The following LGI1 variants were observed in gnomAD, a reference collection of about 807,000 sequenced individuals.
LGI1 encodes leucine-rich glioma-inactivated protein 1.
Under a neutral mutation model 57.7 loss-of-function variants are expected in LGI1, and 11 were observed. That is an observed-to-expected ratio of 0.19 (90% CI 0.12 to 0.32). The LOEUF (loss-of-function observed/expected upper bound fraction) is 0.32, where lower values mean the gene tolerates loss of function less well. Ranked by LOEUF, LGI1 falls within the 10% of genes least tolerant of loss-of-function variation. The pLI is 1.00. For synonymous variants in LGI1, 222 were observed against 241.9 expected (o/e 0.92, Z 0.76); for missense variants, 422 against 661.9 (o/e 0.64, Z 3.98).
chr10:93,796,905 G>C, intron 7 of LGI1, 63 bp from the exon 8 acceptor site: 5 of 1,322,108 alleles, frequency 3.8e-6, no homozygotes, highest in Non-Finnish European at 5.4e-6. Context: ...GCCCCAGCCC[G>C]CATGTTTACA....
chr10:93,772,463 C>T (rs1023544268), intron 2 of LGI1, among the ~76,000 whole-genome samples: 2 of 151,698 alleles, frequency 1.3e-5, no homozygotes, highest in African/African-American at 2.4e-5. Context: ...ACATTGGAAT[C>T]GATAATTTAA....
chr10:93,770,413 T>C lies in LGI1; in HGVS notation c.288-6966T>C, dbSNP rs1044788279. ...TGCCCAGTCCTTTCGCTCTTATGCA[T>C]TCCCGTCTCTGGCCTCTCACCCGGT... On this transcript the variant is annotated intron_variant, in intron 2 of 7. Transcript: ENST00000371418. The C allele has an allele frequency of 5.3e-5, 8 of 152,352 alleles. 1 individual carries two copies. Among genetic ancestry groups the C allele is most frequent in the Non-Finnish European group, 1.5e-5 (1 of 68,174 alleles). 9.4% of individuals were successfully genotyped at this position (152,352 alleles called of 1,614,324 possible).
chr10:93,795,597 T>C (rs2059973686), intron 7 of LGI1, among the ~76,000 whole-genome samples: 1 of 152,126 alleles, frequency 6.6e-6, no homozygotes, highest in South Asian at 2.1e-4. Context: ...ATGACAAATA[T>C]ATGCCCCATA....
intron 4 of LGI1, among the ~76,000 whole-genome samples, chr10:93,785,720 A>ACCACCACATGGCACACAAAAG (rs1461436310): frequency 4.1e-5 from 2 of 48,764 alleles, no homozygotes; most frequent in African/African-American, 5.8e-5. Context: ...AATTTTATCC[A>ACCACCACATGGCACACAAAAG]GGTATTTTGC....
rs543647504 is a variant in LGI1 at position 93,797,727 on chromosome 10, G to A, written c.1598G>A (p.Arg533His). Residue 533 changes from arginine to histidine, a missense_variant, in exon 8 of 8, where the codon CGT becomes CAT. Arg to His is a conservative substitution (Grantham distance 29). Transcript: ENST00000371418. This position sits in a 1 kb window ranked among gnomAD's most constrained non-coding sequence, Gnocchi z 6.5. ...RSFTHVSINK[R>H]NFLFASSFKG... ...TTCACACATGTGTCCATTAATAAGC[G>A]TAATTTTCTTTTTGCTTCCAGTTTT... 2.6e-5 allele frequency: 42 copies of A among 1,612,194 alleles called. No individual in the cohort carries two copies. Among genetic ancestry groups the A allele is most frequent in the South Asian group, 1.9e-4 (17 of 91,084 alleles).
intron 7 of LGI1, among the ~76,000 whole-genome samples, chr10:93,795,475 G>A (rs1423256364): frequency 3.3e-5 from 5 of 152,118 alleles, no homozygotes; most frequent in Non-Finnish European, 5.9e-5. Context: ...CATGAGTGTG[G>A]AGTCCTCATG....
At chr10:93,787,906 CA>C (rs61222250) in intron 4 of LGI1, among the ~76,000 whole-genome samples, 89,074 of 115,782 alleles carry the variant, frequency 0.77, 35,950 homozygotes, top group East Asian at 0.92. Context: ...GACCCTGTCT[CA>C]AAAAAAAAAA....
Position 93,786,117 on chromosome 10 carries a change from C to T in LGI1, c.432-3982C>T, listed in dbSNP as rs2059891829. 4.3e-5 allele frequency among the ~76,000 whole-genome samples: 2 copies of T among 46,472 alleles called. 1 individual carries two copies. Among genetic ancestry groups the T allele is most frequent in the Admixed American group, 7.3e-4 (2 of 2,740 alleles). The allele number at this position is 46,472 out of a possible 152,430, so 30.5% of individuals were successfully genotyped here. A position where few individuals can be genotyped will look rare whatever the true frequency, so the allele number is the denominator to read the frequency against. On this transcript the variant is annotated intron_variant, in intron 4 of 7. Transcript: ENST00000371418. ...GCGGTGGCTTCAAGCCTCGGCTGCC[C>T]TGTAGCCCCAAACCTCCCTAAAGGG...
chr10:93,789,018 C>T (rs2059913051), intron 4 of LGI1: 1 of 152,146 alleles, frequency 6.6e-6, no homozygotes, highest in Admixed American at 6.5e-5. Flanking sequence ...CCCAGTCATA[C>T]AGCATTAGCA....
intron 2 of LGI1, among the ~76,000 whole-genome samples, chr10:93,775,522 G>A (rs11187658): frequency 0.035 from 5,270 of 152,220 alleles, 315 homozygotes; most frequent in African/African-American, 0.12. Context: ...CAGTAGTCTC[G>A]TAATGATCAG....
intron 4 of LGI1, among the ~76,000 whole-genome samples, chr10:93,781,269 G>C (rs1170953370): frequency 6.6e-6 from 1 of 152,138 alleles, no homozygotes; most frequent in Non-Finnish European, 1.5e-5. Flanking sequence ...TGAGGCAGGA[G>C]AATGGCATGA....
At chr10:93,781,971 A>T (rs948432016) in intron 4 of LGI1, among the ~76,000 whole-genome samples, 1 of 152,208 alleles carries the variant, frequency 6.6e-6, no homozygotes, top group African/African-American at 2.4e-5. Flanking sequence ...CAAACTCAGG[A>T]TGCTTGTGTG....
At chr10:93,791,710 C>T (rs1366440202) in intron 5 of LGI1, 1 of 152,200 alleles carries the variant, frequency 6.6e-6, no homozygotes, top group East Asian at 1.9e-4. Context: ...AATTCCTGAA[C>T]AGAAGCAATG....
rs574888491 is a variant in LGI1, at chr10:93,779,046, T to A, written c.431+1429T>A. 2.6e-5 allele frequency: 4 copies of A among 152,344 alleles called. No individual in the cohort carries two copies. In the East Asian group the frequency reaches 7.7e-4, roughly 29 times the overall value. The allele number at this position is 152,344 out of a possible 1,614,324, so 9.4% of individuals were successfully genotyped here. Reference sequence around the variant, plus strand: ...ACTACTCTTCATGTCAATGACATGATATGATGCAAAGATGGCTGTTTACAG... The same window carrying A: ...ACTACTCTTCATGTCAATGACATGAAATGATGCAAAGATGGCTGTTTACAG... On this transcript the variant is annotated intron_variant, in intron 4 of 7. Transcript: ENST00000371418.
intron 7 of LGI1, among the ~76,000 whole-genome samples, chr10:93,793,676 T>C (rs1354468898): frequency 2.0e-5 from 3 of 152,246 alleles, no homozygotes; most frequent in Non-Finnish European, 4.4e-5. Flanking sequence ...TCATGAGTTC[T>C]AGTCCAGGTT....
intron 2 of LGI1, chr10:93,768,249 A>G (rs1234317610): frequency 6.6e-6 from 1 of 152,156 alleles, no homozygotes; most frequent in African/African-American, 2.4e-5. Context: ...AGCTGATACT[A>G]AAAAGAGGGA....
At chr10:93,777,038 G>T in intron 2 of LGI1, 7 of 392,170 alleles carry the variant, frequency 1.8e-5, no homozygotes, top group South Asian at 1.7e-4. Context: ...AGAACAAGCA[G>T]AAAAGATTGT....
In LGI1 at chr10:93,758,587, T is replaced by G. The variant is rs1361676335; in HGVS notation, c.216-173T>G. On this transcript the variant is annotated intron_variant, in intron 1 of 7. Coordinates refer to ENST00000371418, the MANE Select transcript of LGI1 (RefSeq NM_005097.4). The surrounding 1 kb of genome is among the most constrained non-coding windows in gnomAD (Gnocchi z 4.7). ...CCTGAACATTATCATGAGAAACCTG[T>G]AGCCGATTCATTTCTCTTACTTCAT... is the stretch of plus-strand genomic sequence containing the variant. 9 of 689,062 alleles carry G rather than the reference T, an allele frequency of 1.3e-5. No homozygotes were observed. The Admixed American group carries it at 2.1e-4, about 16-fold the overall frequency. The allele number at this position is 689,062 out of a possible 1,614,324, so 42.7% of individuals were successfully genotyped here.
At chr10:93,781,751 G>A (rs74231337) in intron 4 of LGI1, among the ~76,000 whole-genome samples, 3,077 of 152,272 alleles carry the variant, frequency 0.02, 23 homozygotes, top group Middle Eastern at 0.075. Context: ...CAAACATTAT[G>A]TATTGGCTTC....
Sources: allele counts gnomAD v4.1 joint callset (sites outside exome capture counted in the v4.1 genomes callset), GRCh38; gene constraint gnomAD v4.1.1; non-coding constraint Gnocchi (gnomAD v3.1); transcripts MANE v1.5; gene names NCBI Gene and HGNC (gene_info 2026-07-23, HGNC 2026-07-21).